PTPRN2: variants seen among roughly 807,000 people sequenced by gnomAD.
PTPRN2 encodes the protein receptor-type tyrosine-protein phosphatase N2.
A neutral mutation model predicts 118.8 loss-of-function variants in PTPRN2; 74 were observed. The observed-to-expected ratio is 0.62, with a 90% CI of 0.52 to 0.76. The LOEUF is 0.76. Among genes scored for constraint, PTPRN2 ranks in the 30% least tolerant of loss-of-function variants. PTPRN2 has a pLI of 0.00. For missense variants in PTPRN2, 1,481 were observed against 1,394.4 expected, an observed-to-expected ratio of 1.06 and a Z score of -0.99; for synonymous variants, 641 against 608.0, an observed-to-expected ratio of 1.05 and a Z score of -0.80.
At chr7:158,151,055 CACT>C (rs1820992933) in intron 6 of PTPRN2, among the ~76,000 whole-genome samples, 1 of 140,080 alleles carries the variant, frequency 7.1e-6, no homozygotes, top group Non-Finnish European at 1.6e-5. Context: ...TGCCTGCCCA[CACT>C]GCCCGCCTTT....
rs1563576539 is a variant in PTPRN2 at position 158,188,218 on chromosome 7, TGGGGA to T, written c.549+4104_549+4108del. On this transcript the variant is annotated intron_variant, in intron 5 of 22. Transcript: ENST00000389418. ...GAAGGCCGCCACGCTCGCCGCCTGA[TGGGGA>T]AGGCCGCCACGCTTGCCCCGCGATG... Among the ~76,000 whole-genome samples, 142 of 41,142 alleles carry T rather than the reference TGGGGA, an allele frequency of 3.5e-3. 27 individuals are homozygous for T. The Middle Eastern group carries it at 0.045, about 13-fold the overall frequency. The allele number at this position is 41,142 out of a possible 152,430, so 27.0% of individuals were successfully genotyped here.
At position 157,610,459 on chromosome 7, in the gene PTPRN2, G is replaced by C. The variant is rs1802264157; in HGVS notation, c.2345-6384C>G. ...CCTAGAGGGAGTCCTGACTCCAGCA[G>C]AGAACATGTTCCGGGATGTGCTCCA... On this transcript the variant is annotated intron_variant, in intron 15 of 22. Transcript: ENST00000389418. This position sits in a 1 kb window ranked among gnomAD's most constrained non-coding sequence, Gnocchi z 5.1. 6.6e-6 allele frequency among the ~76,000 whole-genome samples: 1 copy of C among 152,206 alleles called. No individual in the cohort carries two copies. Among genetic ancestry groups the C allele is most frequent in the African/African-American group, 2.4e-5 (1 of 41,458 alleles).
chr7:157,964,912 C>T lies in PTPRN2; in HGVS notation c.1724-66175G>A, dbSNP rs941319858. 1.3e-5 allele frequency among the ~76,000 whole-genome samples: 2 copies of T among 152,194 alleles called. No individual in the cohort carries two copies. Among genetic ancestry groups the T allele is most frequent in the African/African-American group, 4.8e-5 (2 of 41,434 alleles). Reference sequence around the variant, plus strand: ...AGTGCCCTGCACTCTGTCAGTTGGGCCATGGTATAATTTATGTTCAACAGA... The same window carrying T: ...AGTGCCCTGCACTCTGTCAGTTGGGTCATGGTATAATTTATGTTCAACAGA... On this transcript the variant is annotated intron_variant, in intron 11 of 22. Transcript: ENST00000389418. The surrounding 1 kb of genome is among the most constrained non-coding windows in gnomAD (Gnocchi z 9.0).
chr7:157,602,945 G>T (rs1801766999), intron 16 of PTPRN2, among the ~76,000 whole-genome samples: 1 of 152,234 alleles, frequency 6.6e-6, no homozygotes, highest in Non-Finnish European at 1.5e-5. Flanking sequence ...CACCATGTTT[G>T]ATTAAAGGCA....
intron 14 of PTPRN2, among the ~76,000 whole-genome samples, chr7:157,649,813 C>T (rs1281378704): frequency 5.9e-5 from 9 of 151,284 alleles, no homozygotes; most frequent in Non-Finnish European, 1.2e-4. Context: ...GTGCACTGAA[C>T]TCGGTGGGTC....
intron 8 of PTPRN2, among the ~76,000 whole-genome samples, chr7:158,135,620 C>A (rs1312481147): frequency 6.6e-6 from 1 of 152,132 alleles, no homozygotes; most frequent in Non-Finnish European, 1.5e-5. Flanking sequence ...CTAACGGCAG[C>A]CCCCCAGAGC....
chr7:158,423,912 G>A (rs1042594621), intron 2 of PTPRN2, among the ~76,000 whole-genome samples: 1 of 152,212 alleles, frequency 6.6e-6, no homozygotes, highest in East Asian at 1.9e-4. Flanking sequence ...GAGTTCTGCT[G>A]TGGTCTGTAG....
intron 1 of PTPRN2, among the ~76,000 whole-genome samples, chr7:158,576,436 G>C (rs2129451814): frequency 6.6e-6 from 1 of 152,296 alleles, no homozygotes. Context: ...AAACATGAGG[G>C]GCCCTCTCGG....
At chr7:158,333,230 CCA>C (rs1325121865) in intron 2 of PTPRN2, among the ~76,000 whole-genome samples, 4 of 125,546 alleles carry the variant, frequency 3.2e-5, no homozygotes, top group Non-Finnish European at 6.7e-5. Flanking sequence ...TGACTCACAC[CCA>C]CACTCTCCCC....
At chr7:157,909,731 C>T (rs555865418) in intron 11 of PTPRN2, among the ~76,000 whole-genome samples, 1 of 152,370 alleles carries the variant, frequency 6.6e-6, no homozygotes, top group South Asian at 2.1e-4. Flanking sequence ...CATCCAGCTT[C>T]ATTCTTTCCC....
Position 157,547,492 on chromosome 7 carries a change from C to T in PTPRN2, c.2976+1454G>A, listed in dbSNP as rs143133015. 2.8e-3 allele frequency among the ~76,000 whole-genome samples: 428 copies of T among 152,232 alleles called. 1 individual carries two copies. The highest frequency in any genetic ancestry group is 9.6e-3 in the African/African-American group (398 of 41,534). On this transcript the variant is annotated intron_variant, in intron 22 of 22. Coordinates refer to ENST00000389418, the MANE Select transcript of PTPRN2 (RefSeq NM_002847.5). ...ACCTCACGTCCAGTTCCTGTTGAGC[C>T]AAAGCTCATGAGAACTTTTTTGTTT... is the stretch of plus-strand genomic sequence containing the variant.
chr7:157,685,894 C>T (rs751816626), intron 12 of PTPRN2, among the ~76,000 whole-genome samples: 2 of 152,158 alleles, frequency 1.3e-5, no homozygotes, highest in Non-Finnish European at 2.9e-5. Flanking sequence ...CTGCCTAGGC[C>T]CGCGCTGTCC....
chr7:157,937,600 C>T (rs766026884), intron 11 of PTPRN2, among the ~76,000 whole-genome samples: 5 of 152,216 alleles, frequency 3.3e-5, no homozygotes, highest in Admixed American at 2.6e-4. Context: ...CAGGAGAAGC[C>T]GCTTAAAAAG....
At chr7:158,249,352 A>C (rs1796505873) in intron 3 of PTPRN2, among the ~76,000 whole-genome samples, 1 of 140,666 alleles carries the variant, frequency 7.1e-6, no homozygotes, top group African/African-American at 2.7e-5. Context: ...CACATCACAC[A>C]CATGCACACC....
intron 2 of PTPRN2, among the ~76,000 whole-genome samples, chr7:158,390,762 C>A (rs1586551746): frequency 1.3e-5 from 2 of 152,268 alleles, no homozygotes; most frequent in African/African-American, 4.8e-5. Flanking sequence ...GCCTTCTCTT[C>A]TCGCGCATCG....
chr7:158,147,649 T>C (rs62480218), intron 6 of PTPRN2, among the ~76,000 whole-genome samples: 20 of 78,042 alleles, frequency 2.6e-4, no homozygotes, highest in Admixed American at 7.2e-4. Context: ...TGACACCCCA[T>C]CTCATGCCAC....
intron 9 of PTPRN2, among the ~76,000 whole-genome samples, chr7:158,111,194 G>A (rs1816235932): frequency 6.6e-6 from 1 of 152,364 alleles, no homozygotes; most frequent in South Asian, 2.1e-4. Flanking sequence ...GGGGAGAAGG[G>A]AGAAGGGACA....
intron 12 of PTPRN2, among the ~76,000 whole-genome samples, chr7:157,837,015 C>T (rs536426257): frequency 9.6e-5 from 14 of 146,480 alleles, no homozygotes; most frequent in Admixed American, 8.8e-4. Flanking sequence ...ACCCACCCAT[C>T]CACCCACCAC....
At chr7:158,188,806 G>T (rs1325924869) in intron 5 of PTPRN2, among the ~76,000 whole-genome samples, 5 of 152,198 alleles carry the variant, frequency 3.3e-5, no homozygotes. Flanking sequence ...GCACTCCGGG[G>T]CGTGTGTTGA....
Sources: allele counts gnomAD v4.1 joint callset (sites outside exome capture counted in the v4.1 genomes callset), GRCh38; gene constraint gnomAD v4.1.1; non-coding constraint Gnocchi (gnomAD v3.1); transcripts MANE v1.5; gene names NCBI Gene and HGNC (gene_info 2026-07-23, HGNC 2026-07-21).